Variants in ENOX1 observed in about 807,000 individuals in gnomAD.
The protein encoded by ENOX1 is ecto-NOX disulfide-thiol exchanger 1.
In ENOX1, 42 loss-of-function variants were observed where a neutral mutation model predicts 82.5. The observed-to-expected ratio is 0.51, with a 90% CI of 0.40 to 0.66. The LOEUF is 0.66. Ranked by LOEUF, ENOX1 falls within the 30% of genes least tolerant of loss-of-function variation. The pLI is 0.00. For synonymous variants in ENOX1, 271 were observed against 282.2 expected (o/e 0.96, Z 0.40); for missense variants, 608 against 811.6 (o/e 0.75, Z 3.05).
intron 2 of ENOX1, among the ~76,000 whole-genome samples, chr13:43,577,638 C>G (rs1206105940): frequency 1.3e-5 from 2 of 152,142 alleles, no homozygotes; most frequent in Non-Finnish European, 2.9e-5. Flanking sequence ...GAGAATGAAG[C>G]CCTCACAACC....
intron 9 of ENOX1, among the ~76,000 whole-genome samples, chr13:43,343,474 T>C (rs1342990716): frequency 1.3e-5 from 2 of 152,220 alleles, no homozygotes; most frequent in African/African-American, 4.8e-5. Flanking sequence ...TATCGGAATT[T>C]ACATTTGGGA....
At chr13:43,522,917 C>A (rs547638992) in intron 2 of ENOX1, among the ~76,000 whole-genome samples, 13 of 152,070 alleles carry the variant, frequency 8.5e-5, no homozygotes, top group African/African-American at 3.1e-4. Context: ...AGGAAAAAAT[C>A]CTCAATGTGG....
At chr13:43,733,650 G>T (rs1325914155) in intron 1 of ENOX1, among the ~76,000 whole-genome samples, 2 of 152,008 alleles carry the variant, frequency 1.3e-5, no homozygotes, top group Non-Finnish European at 2.9e-5. Flanking sequence ...TGATCTTCAG[G>T]TTCAATCCTT....
intron 3 of ENOX1, among the ~76,000 whole-genome samples, chr13:43,461,946 T>C (rs1165624578): frequency 6.6e-6 from 1 of 152,190 alleles, no homozygotes; most frequent in African/African-American, 2.4e-5. Flanking sequence ...ATGAAACAAT[T>C]GGTTCTGGAT....
intron 3 of ENOX1, among the ~76,000 whole-genome samples, chr13:43,482,106 G>A (rs2058528251): frequency 6.6e-6 from 1 of 152,114 alleles, no homozygotes. Context: ...ATTAAAAATA[G>A]AACTACCATA....
chr13:43,616,638 A>C (rs1022454337), intron 2 of ENOX1, among the ~76,000 whole-genome samples: 1 of 152,102 alleles, frequency 6.6e-6, no homozygotes, highest in Non-Finnish European at 1.5e-5. Context: ...TGTAAGAAAA[A>C]CTGTTTGTAA....
intron 2 of ENOX1, among the ~76,000 whole-genome samples, chr13:43,511,468 T>C (rs182705909): frequency 3.4e-4 from 52 of 152,274 alleles, no homozygotes; most frequent in African/African-American, 1.3e-3. Context: ...ATCAGTTTAC[T>C]TCAGTATAAG....
At chr13:43,554,263 G>A (rs1187175002) in intron 2 of ENOX1, among the ~76,000 whole-genome samples, 1 of 152,140 alleles carries the variant, frequency 6.6e-6, no homozygotes, top group Non-Finnish European at 1.5e-5. Flanking sequence ...TGAATCAGAA[G>A]GAAAGACTAT....
At chr13:43,347,502 A>G (rs2049467364) in intron 8 of ENOX1, among the ~76,000 whole-genome samples, 1 of 152,176 alleles carries the variant, frequency 6.6e-6, no homozygotes, top group African/African-American at 2.4e-5. Context: ...ACTCCAGTCA[A>G]TATTTGTTGC....
intron 2 of ENOX1, among the ~76,000 whole-genome samples, chr13:43,638,545 T>C (rs1326666208): frequency 6.6e-6 from 1 of 152,212 alleles, no homozygotes; most frequent in Non-Finnish European, 1.5e-5. Flanking sequence ...AACCAAAAAG[T>C]TTAAATCTGT....
chr13:43,761,686 A>T (rs1020968002), intron 1 of ENOX1, among the ~76,000 whole-genome samples: 7 of 152,100 alleles, frequency 4.6e-5, no homozygotes, highest in Non-Finnish European at 1.0e-4. Flanking sequence ...CATCTGCTGA[A>T]TTTACTCAGG....
chr13:43,370,063 G>A (rs935918239), intron 5 of ENOX1, among the ~76,000 whole-genome samples: 11 of 152,300 alleles, frequency 7.2e-5, no homozygotes, highest in African/African-American at 2.6e-4. Flanking sequence ...ACTGTAGCAC[G>A]TGCTTACAGA....
intron 5 of ENOX1, among the ~76,000 whole-genome samples, chr13:43,387,925 T>C (rs1463225819): frequency 6.6e-6 from 1 of 152,124 alleles, no homozygotes; most frequent in Non-Finnish European, 1.5e-5. Flanking sequence ...TAAAATTGGA[T>C]ATTAATGTTT....
At chr13:43,331,228 C>T (rs965574455) in intron 9 of ENOX1, among the ~76,000 whole-genome samples, 7 of 152,212 alleles carry the variant, frequency 4.6e-5, no homozygotes, top group East Asian at 1.9e-4. Flanking sequence ...CTAGAGAACA[C>T]GAACACAGCC....
At chr13:43,474,961 T>A (rs1391978729) in intron 3 of ENOX1, among the ~76,000 whole-genome samples, 2 of 152,066 alleles carry the variant, frequency 1.3e-5, no homozygotes, top group African/African-American at 2.4e-5. Context: ...GGTAAAGAAG[T>A]TGCAGGTTTG....
intron 5 of ENOX1, among the ~76,000 whole-genome samples, chr13:43,385,359 A>G (rs1302045838): frequency 6.6e-6 from 1 of 152,084 alleles, no homozygotes; most frequent in Non-Finnish European, 1.5e-5. Flanking sequence ...AACATATATG[A>G]CCTATTTTGT....
chr13:43,494,489 C>T (rs536632079), intron 2 of ENOX1, among the ~76,000 whole-genome samples: 17 of 152,244 alleles, frequency 1.1e-4, no homozygotes, highest in African/African-American at 2.4e-4. Flanking sequence ...AAGAAAATGA[C>T]GGAACAGTCC....
intron 11 of ENOX1, among the ~76,000 whole-genome samples, chr13:43,305,865 A>C (rs1165359465): frequency 6.6e-6 from 1 of 152,344 alleles, no homozygotes; most frequent in African/African-American, 2.4e-5. Flanking sequence ...GTCCTCCGGG[A>C]AACACATCAG....
intron 1 of ENOX1, among the ~76,000 whole-genome samples, chr13:43,698,607 T>G (rs570879112): frequency 6.8e-5 from 10 of 147,548 alleles, no homozygotes; most frequent in Admixed American, 1.3e-4. Context: ...AAAAATGAAG[T>G]TTTTTTTTAC....
Sources: allele counts gnomAD v4.1 joint callset (sites outside exome capture counted in the v4.1 genomes callset), GRCh38; gene constraint gnomAD v4.1.1; transcripts MANE v1.5; gene names NCBI Gene and HGNC (gene_info 2026-07-23, HGNC 2026-07-21).